SIPA1L3: variants seen among roughly 807,000 people sequenced by gnomAD.
SIPA1L3 encodes the protein signal induced proliferation associated 1 like 3, also known as signal-induced proliferation-associated 1-like protein 3.
A neutral mutation model predicts 150.1 loss-of-function variants in SIPA1L3; 59 were observed. The ratio of observed to expected loss-of-function variants is 0.39; its 90% CI spans 0.32 to 0.49. The LOEUF is 0.49. Among genes scored for constraint, SIPA1L3 ranks in the 20% least tolerant of loss-of-function variants. The pLI, the probability that SIPA1L3 is intolerant of heterozygous loss-of-function variation, is 0.86. For missense variants in SIPA1L3, 2,211 were observed against 2,489.5 expected (o/e 0.89, Z 2.38); for synonymous variants, 1,070 against 1,077.6 (o/e 0.99, Z 0.14).
intron 2 of SIPA1L3, among the ~76,000 whole-genome samples, chr19:38,033,458 C>T (rs753319152): frequency 2.6e-5 from 4 of 152,074 alleles, no homozygotes; most frequent in Non-Finnish European, 5.9e-5. Flanking sequence ...GAGGTCAAGG[C>T]AGGAGAATCA....
At chr19:38,112,427 C>G (rs1970785781) in intron 8 of SIPA1L3, among the ~76,000 whole-genome samples, 2 of 152,194 alleles carry the variant, frequency 1.3e-5, no homozygotes, top group African/African-American at 4.8e-5. Flanking sequence ...CTGACCTCCC[C>G]TCTCCTACTG....
At chr19:38,121,169 C>T (rs775502498) in intron 9 of SIPA1L3, among the ~76,000 whole-genome samples, 3 of 151,580 alleles carry the variant, frequency 2.0e-5, no homozygotes, top group Non-Finnish European at 4.4e-5. Flanking sequence ...CAGTGAGATG[C>T]CGTTTCTAAA....
chr19:37,922,645 G>C (rs572342451), intron 1 of SIPA1L3, among the ~76,000 whole-genome samples: 120 of 149,218 alleles, frequency 8.0e-4, no homozygotes, highest in Middle Eastern at 3.7e-3. Flanking sequence ...AGCCTGCCTC[G>C]GCCTCCCAGA....
At chr19:38,181,103 G>C (rs868486613) in intron 15 of SIPA1L3, among the ~76,000 whole-genome samples, 2 of 152,244 alleles carry the variant, frequency 1.3e-5, no homozygotes. Flanking sequence ...GAAGAGGTGG[G>C]GGGAGGACAA....
At chr19:38,116,536 AAAAAAG>A (rs955781746) in intron 8 of SIPA1L3, among the ~76,000 whole-genome samples, 2 of 149,048 alleles carry the variant, frequency 1.3e-5, no homozygotes, top group Admixed American at 6.7e-5. Flanking sequence ...AAAAAAAAAA[AAAAAAG>A]AAAGAAAGAA....
intron 2 of SIPA1L3, among the ~76,000 whole-genome samples, chr19:38,043,092 C>T (rs1420445015): frequency 2.0e-5 from 3 of 152,196 alleles, no homozygotes; most frequent in Non-Finnish European, 2.9e-5. Flanking sequence ...GTAATCCCAG[C>T]AGTTTGGGGG....
At chr19:37,966,302 A>G (rs950528828) in intron 1 of SIPA1L3, among the ~76,000 whole-genome samples, 3 of 152,190 alleles carry the variant, frequency 2.0e-5, no homozygotes, top group African/African-American at 7.2e-5. Context: ...CCTGCCAGCC[A>G]CACATGTCCC....
chr19:38,082,107 C>A lies in SIPA1L3; in HGVS notation c.542C>A (p.Ala181Glu). Residue 181 changes from alanine to glutamate, a missense_variant, in exon 3 of 22, where the codon GCG (alanine) becomes GAG (glutamate). Physicochemically the swap from Ala to Glu is moderately radical, Grantham distance 107. Around this residue, in one of 5 missense-constraint regions of SIPA1L3, gnomAD observed 587 missense variants for 534.5 expected, o/e 1.10. Transcript: ENST00000222345. The stretch of plus-strand genomic sequence containing the variant: ...GAGATCACCCTCAGCGAGTGTGACG[C>A]GGAGGACGCGGGGGAGCCGCGGGGG... ...SSEITLSECD[A>E]EDAGEPRGAR... is the part of the protein sequence containing the mutation. 2 of 1,608,584 alleles carry A rather than the reference C, an allele frequency of 1.2e-6. No homozygotes were observed. Among genetic ancestry groups the A allele is most frequent in the Non-Finnish European group, 8.5e-7 (1 of 1,179,182 alleles).
intron 1 of SIPA1L3, among the ~76,000 whole-genome samples, chr19:38,019,158 A>G (rs1968309358): frequency 6.6e-6 from 1 of 152,340 alleles, no homozygotes; most frequent in African/African-American, 2.4e-5. Context: ...GCTGCCAGTA[A>G]CAGACACCAG....
At chr19:38,075,408 A>G (rs1296938450) in intron 2 of SIPA1L3, among the ~76,000 whole-genome samples, 1 of 151,782 alleles carries the variant, frequency 6.6e-6, no homozygotes, top group Non-Finnish European at 1.5e-5. Flanking sequence ...GTGAGCTGAG[A>G]TGGCGCCACT....
chr19:38,075,649 G>A (rs1368241910), intron 2 of SIPA1L3, among the ~76,000 whole-genome samples: 4 of 143,626 alleles, frequency 2.8e-5, no homozygotes, highest in African/African-American at 5.2e-5. Flanking sequence ...GCATGGTGGT[G>A]TGCACCTGTA....
At chr19:38,097,069 C>T (rs888194491) in intron 4 of SIPA1L3, among the ~76,000 whole-genome samples, 1 of 152,206 alleles carries the variant, frequency 6.6e-6, no homozygotes, top group Non-Finnish European at 1.5e-5. Flanking sequence ...AACTGCCTGG[C>T]TGGGCGCAGT....
rs1169104024 is a variant in SIPA1L3 at position 38,047,937 on chromosome 19, C to T, written c.-311+18781C>T. ...GGAGAAATACAACATGGGAAACCGG[C>T]GGTAACTCCACTGTGGTAAAGGATG... is the stretch of plus-strand genomic sequence containing the variant. On this transcript the variant is annotated intron_variant, in intron 2 of 21. Transcript: ENST00000222345. The surrounding 1 kb of genome is among the most constrained non-coding windows in gnomAD (Gnocchi z 4.7). Among the ~76,000 whole-genome samples, 2 of 152,122 alleles carry T rather than the reference C, an allele frequency of 1.3e-5. No individual in the cohort carries two copies. The highest frequency in any genetic ancestry group is 2.1e-4 in the South Asian group (1 of 4,830).
chr19:38,148,347 T>C (rs1030158135), intron 12 of SIPA1L3, among the ~76,000 whole-genome samples: 110 of 147,610 alleles, frequency 7.5e-4, no homozygotes, highest in Admixed American at 2.3e-3. Context: ...CAAGACTCCA[T>C]CTCAAAAAAA....
chr19:38,088,463 C>A (rs1461013732), intron 3 of SIPA1L3, among the ~76,000 whole-genome samples: 1 of 152,250 alleles, frequency 6.6e-6, no homozygotes, highest in East Asian at 1.9e-4. Context: ...TGGGTGGCAT[C>A]AAGGTCCTGT....
At chr19:38,009,992 T>C (rs746471750) in intron 1 of SIPA1L3, among the ~76,000 whole-genome samples, 16 of 152,182 alleles carry the variant, frequency 1.1e-4, no homozygotes, top group Non-Finnish European at 2.1e-4. Context: ...CCTGTTGAGA[T>C]TGGTTTCCAT....
chr19:38,020,221 C>T (rs554815236), intron 1 of SIPA1L3, among the ~76,000 whole-genome samples: 1 of 152,304 alleles, frequency 6.6e-6, no homozygotes, highest in South Asian at 2.1e-4. Context: ...AACACCCTTA[C>T]TATTATCCCC....
chr19:38,056,455 A>G (rs745989987), intron 2 of SIPA1L3, among the ~76,000 whole-genome samples: 1 of 152,172 alleles, frequency 6.6e-6, no homozygotes, highest in Non-Finnish European at 1.5e-5. Flanking sequence ...TTCAGGGCTT[A>G]AACACCACCC....
intron 1 of SIPA1L3, among the ~76,000 whole-genome samples, chr19:37,990,744 C>T (rs1235775257): frequency 1.3e-5 from 2 of 152,226 alleles, no homozygotes; most frequent in African/African-American, 4.8e-5. Context: ...TCTCTGTCCA[C>T]TCAAGGGGCA....
Sources: allele counts gnomAD v4.1 joint callset (sites outside exome capture counted in the v4.1 genomes callset), GRCh38; gene constraint gnomAD v4.1.1; regional missense constraint gnomAD v4.1.1; non-coding constraint Gnocchi (gnomAD v3.1); transcripts MANE v1.5; gene names NCBI Gene and HGNC (gene_info 2026-07-23, HGNC 2026-07-21).